The following PAPSS1 variants were observed in gnomAD, a reference collection of about 807,000 sequenced individuals.
The protein encoded by PAPSS1 is 3'-phosphoadenosine 5'-phosphosulfate synthase 1.
PAPSS1 carries 50 observed loss-of-function variants against 72.0 expected under a neutral mutation model. The ratio of observed to expected loss-of-function variants is 0.69; its 90% CI spans 0.55 to 0.88. The LOEUF (loss-of-function observed/expected upper bound fraction) is 0.88. Ranked by LOEUF, PAPSS1 falls within the 40% of genes least tolerant of loss-of-function variation. The probability of loss-of-function intolerance (pLI) is 0.00; values close to 1 mark genes in which losing one functional copy is unlikely to be tolerated. For synonymous variants in PAPSS1, 261 were observed against 263.6 expected, an observed-to-expected ratio of 0.99 and a Z score of 0.09; for missense variants, 657 against 782.2, an observed-to-expected ratio of 0.84 and a Z score of 1.91.
At chr4:107,700,248 C>G (rs1723172834) in intron 2 of PAPSS1, among the ~76,000 whole-genome samples, 1 of 152,184 alleles carries the variant, frequency 6.6e-6, no homozygotes, top group Non-Finnish European at 1.5e-5. Context: ...CCCTCCCATA[C>G]TGCTGGTAGG....
intron 5 of PAPSS1, 21 bp downstream of exon 5, chr4:107,681,994 C>T: frequency 8.5e-7 from 1 of 1,183,186 alleles, no homozygotes; most frequent in South Asian, 1.3e-5. Context: ...TCTGATGATT[C>T]CTTCTTTCAT....
chr4:107,619,984 G>A (rs907756237), intron 11 of PAPSS1, among the ~76,000 whole-genome samples: 2 of 152,098 alleles, frequency 1.3e-5, no homozygotes, highest in Non-Finnish European at 1.5e-5. Flanking sequence ...GATGACTCTC[G>A]GCCACTTGTT....
chr4:107,681,030 T>C (rs921402913), intron 5 of PAPSS1, among the ~76,000 whole-genome samples: 4 of 152,112 alleles, frequency 2.6e-5, no homozygotes, highest in Non-Finnish European at 5.9e-5. Context: ...GTGGAAAAAC[T>C]CAAAGGCTAA....
intron 10 of PAPSS1, among the ~76,000 whole-genome samples, chr4:107,640,571 T>G (rs992978893): frequency 6.6e-6 from 1 of 152,118 alleles, no homozygotes. Context: ...TTTTTTTTAT[T>G]ACAAAAAAAT....
chr4:107,657,664 G>A (rs4356983), intron 6 of PAPSS1, among the ~76,000 whole-genome samples: 36,697 of 151,778 alleles, frequency 0.24, 5,064 homozygotes, highest in Middle Eastern at 0.34. Context: ...TTGAGCCCAG[G>A]AGGCAGAGGT....
chr4:107,640,560 T>A (rs926401421), intron 10 of PAPSS1, among the ~76,000 whole-genome samples: 3 of 150,872 alleles, frequency 2.0e-5, no homozygotes, highest in African/African-American at 7.3e-5. Context: ...AATGAGAGGG[T>A]TTTTTTTTAT....
intron 5 of PAPSS1, among the ~76,000 whole-genome samples, chr4:107,662,106 C>T (rs1462463071): frequency 2.6e-5 from 4 of 151,996 alleles, no homozygotes; most frequent in East Asian, 1.9e-4. Context: ...GAAAAGAAAA[C>T]GTAATATTAA....
chr4:107,654,212 C>T (rs996111899), intron 8 of PAPSS1, among the ~76,000 whole-genome samples: 9 of 152,172 alleles, frequency 5.9e-5, no homozygotes, highest in Non-Finnish European at 1.5e-5. Context: ...CCTTAACACA[C>T]CTAACAACTG....
At chr4:107,619,188 C>T (rs1725897548) in intron 11 of PAPSS1, among the ~76,000 whole-genome samples, 1 of 152,140 alleles carries the variant, frequency 6.6e-6, no homozygotes, top group African/African-American at 2.4e-5. Flanking sequence ...AATTAAAGTC[C>T]TTTCTTTCCC....
At chr4:107,696,357 A>C (rs1027638725) in intron 2 of PAPSS1, among the ~76,000 whole-genome samples, 4 of 152,216 alleles carry the variant, frequency 2.6e-5, no homozygotes, top group Admixed American at 6.5e-5. Context: ...GATAAAGAAA[A>C]TGTGGTACAT....
At chr4:107,619,573 TA>T (rs11346825) in intron 11 of PAPSS1, among the ~76,000 whole-genome samples, 6,627 of 151,596 alleles carry the variant, frequency 0.044, 463 homozygotes, top group African/African-American at 0.15. Flanking sequence ...TAACTAAATT[TA>T]AAAAAAAACT....
intron 4 of PAPSS1, among the ~76,000 whole-genome samples, chr4:107,682,599 C>T (rs1046634058): frequency 6.6e-6 from 1 of 152,200 alleles, no homozygotes; most frequent in African/African-American, 2.4e-5. Flanking sequence ...AATTCTACTA[C>T]TTTTGTCACC....
chr4:107,654,639 T>C, intron 8 of PAPSS1, 56 bp downstream of exon 8: 1 of 1,412,802 alleles, frequency 7.1e-7, no homozygotes. Flanking sequence ...TGCCCACATT[T>C]CAGCACAAAC....
At chr4:107,702,403 G>A (rs888876707) in intron 1 of PAPSS1, among the ~76,000 whole-genome samples, 3 of 152,094 alleles carry the variant, frequency 2.0e-5, no homozygotes, top group Non-Finnish European at 4.4e-5. Flanking sequence ...GAAATACATT[G>A]TTATTATCAT....
At chr4:107,701,309 T>G (rs751361919) in intron 1 of PAPSS1, 24 bp from the exon 2 acceptor site, 13 of 1,503,074 alleles carry the variant, frequency 8.6e-6, no homozygotes, top group Non-Finnish European at 1.2e-5. Flanking sequence ...AAAAAAAAAA[T>G]TCTAGTTTAC....
intron 11 of PAPSS1, among the ~76,000 whole-genome samples, chr4:107,624,143 G>C (rs1304046494): frequency 1.3e-5 from 2 of 152,084 alleles, no homozygotes; most frequent in African/African-American, 4.8e-5. Context: ...AACCCTCTAT[G>C]ATCCTTCTCA....
chr4:107,645,117 T>C (rs1318745283), intron 9 of PAPSS1, 47 bp from the exon 10 acceptor site: 4 of 1,384,300 alleles, frequency 2.9e-6, no homozygotes, highest in Non-Finnish European at 3.8e-6. Context: ...TTCTAACAGA[T>C]TACTTTCCAA....
At chr4:107,621,608 CTTTTTTTTT>C (rs10670438) in intron 11 of PAPSS1, among the ~76,000 whole-genome samples, 33 of 48,152 alleles carry the variant, frequency 6.9e-4, no homozygotes, top group Non-Finnish European at 9.3e-4. Context: ...GGTTTTTTAT[CTTTTTTTTT>C]TTTTTTTTTT....
chr4:107,708,396 G>A (rs1485741441), intron 1 of PAPSS1, among the ~76,000 whole-genome samples: 1 of 152,218 alleles, frequency 6.6e-6, no homozygotes, highest in African/African-American at 2.4e-5. Context: ...GGGAATTGCA[G>A]AGGGTGCTAT....
Sources: gnomAD v4.1 joint callset for allele counts (sites outside exome capture counted in the v4.1 genomes callset) on GRCh38, gnomAD v4.1.1 for gene constraint, MANE v1.5 for transcripts, NCBI Gene and HGNC (gene_info 2026-07-23, HGNC 2026-07-21) for gene names.